The following ITGA9 variants were observed in gnomAD, a reference collection of about 807,000 sequenced individuals.
ITGA9 encodes integrin subunit alpha 9.
Under a neutral mutation model 127.8 loss-of-function variants are expected in ITGA9, and 56 were observed. The observed-to-expected ratio is 0.44, with a 90% CI of 0.35 to 0.55. ITGA9 has a LOEUF of 0.55. ITGA9 is among the 20% of genes least tolerant of loss of function. ITGA9 has a pLI of 0.00. For missense variants in ITGA9, 1,196 were observed against 1,347.1 expected, an observed-to-expected ratio of 0.89 and a Z score of 1.76; for synonymous variants, 508 against 514.5, an observed-to-expected ratio of 0.99 and a Z score of 0.17.
At chr3:37,725,407 T>C (rs1214276611) in intron 18 of ITGA9, among the ~76,000 whole-genome samples, 1 of 152,184 alleles carries the variant, frequency 6.6e-6, no homozygotes, top group African/African-American at 2.4e-5. Flanking sequence ...CATATGCTGT[T>C]CAAATGACAG....
At chr3:37,708,422 G>C (rs1002141360) in intron 18 of ITGA9, among the ~76,000 whole-genome samples, 2 of 152,226 alleles carry the variant, frequency 1.3e-5, no homozygotes, top group Non-Finnish European at 2.9e-5. Flanking sequence ...TAGCTGCGAA[G>C]TCAAAACTGC....
chr3:37,503,376 A>G, intron 6 of ITGA9, 69 bp downstream of exon 6: 1 of 1,560,356 alleles, frequency 6.4e-7, no homozygotes, highest in South Asian at 1.1e-5. Flanking sequence ...TTCACAAATT[A>G]TTGCTTCATT....
chr3:37,516,180 C>A (rs1248325274), intron 9 of ITGA9, among the ~76,000 whole-genome samples: 1 of 152,182 alleles, frequency 6.6e-6, no homozygotes, highest in Non-Finnish European at 1.5e-5. Flanking sequence ...GGGCATGATG[C>A]ACCCACACCC....
At chr3:37,661,696 C>G (rs1700538812) in intron 17 of ITGA9, among the ~76,000 whole-genome samples, 1 of 152,228 alleles carries the variant, frequency 6.6e-6, no homozygotes, top group Non-Finnish European at 1.5e-5. Flanking sequence ...GCCCTCCTTT[C>G]TTGTTCAAGC....
chr3:37,610,362 A>C (rs946411482), intron 15 of ITGA9, among the ~76,000 whole-genome samples: 2 of 152,354 alleles, frequency 1.3e-5, no homozygotes, highest in East Asian at 1.9e-4. Context: ...GTGAGGTGGT[A>C]AAGGAAATAA....
intron 15 of ITGA9, among the ~76,000 whole-genome samples, chr3:37,581,843 A>G (rs1699712464): frequency 6.6e-6 from 1 of 152,226 alleles, no homozygotes; most frequent in Non-Finnish European, 1.5e-5. Flanking sequence ...CATGACTATT[A>G]CAGGTGGGGC....
intron 15 of ITGA9, among the ~76,000 whole-genome samples, chr3:37,566,864 A>C (rs1699552256): frequency 6.6e-6 from 1 of 152,232 alleles, no homozygotes. Flanking sequence ...CTTATTCCTT[A>C]AAAATCCTGT....
At chr3:37,594,433 AG>A (rs1699849518) in intron 15 of ITGA9, among the ~76,000 whole-genome samples, 2 of 152,164 alleles carry the variant, frequency 1.3e-5, no homozygotes, top group African/African-American at 2.4e-5. Flanking sequence ...CTCAACAGTA[AG>A]GACTAATATT....
At chr3:37,577,582 T>A (rs1699666137) in intron 15 of ITGA9, among the ~76,000 whole-genome samples, 1 of 152,218 alleles carries the variant, frequency 6.6e-6, no homozygotes, top group Non-Finnish European at 1.5e-5. Context: ...AAAGATTAAG[T>A]TCTTTCTGGT....
At chr3:37,635,310 G>A (rs1700266947) in intron 16 of ITGA9, among the ~76,000 whole-genome samples, 2 of 152,102 alleles carry the variant, frequency 1.3e-5, no homozygotes, top group Non-Finnish European at 2.9e-5. Context: ...CAAAATCAGA[G>A]CTATGGTGAT....
intron 16 of ITGA9, among the ~76,000 whole-genome samples, chr3:37,638,787 A>C (rs187565725): frequency 2.7e-4 from 41 of 152,296 alleles, no homozygotes; most frequent in Non-Finnish European, 5.3e-4. Context: ...CTGATGGCCT[A>C]ATTAAAGTGG....
chr3:37,695,472 A>G (rs1317170252), intron 18 of ITGA9, among the ~76,000 whole-genome samples: 1 of 152,232 alleles, frequency 6.6e-6, no homozygotes, highest in Non-Finnish European at 1.5e-5. Flanking sequence ...TCAGTTGCAC[A>G]TGGGATGTTT....
chr3:37,520,357 C>T (rs1699031704), intron 11 of ITGA9, among the ~76,000 whole-genome samples: 1 of 152,098 alleles, frequency 6.6e-6, no homozygotes, highest in South Asian at 2.1e-4. Flanking sequence ...ACCTTTAATC[C>T]TCGCAGCAGC....
chr3:37,737,804 G>A (rs1276484363), intron 20 of ITGA9, among the ~76,000 whole-genome samples: 1 of 152,186 alleles, frequency 6.6e-6, no homozygotes, highest in Non-Finnish European at 1.5e-5. Context: ...TACAAGAATA[G>A]TGCAAGGAAC....
chr3:37,748,764 A>AG (rs1696541237), intron 22 of ITGA9: 2 of 645,952 alleles, frequency 3.1e-6, no homozygotes, highest in East Asian at 5.6e-5. Context: ...AAAAAAAAAA[A>AG]AAAGAAGGAA....
intron 16 of ITGA9, among the ~76,000 whole-genome samples, chr3:37,641,433 C>T (rs1700332615): frequency 6.6e-6 from 1 of 152,146 alleles, no homozygotes; most frequent in Admixed American, 6.5e-5. Flanking sequence ...GTGTCTGGCC[C>T]TCACGTGTCA....
chr3:37,577,855 G>T (rs7372319), intron 15 of ITGA9, among the ~76,000 whole-genome samples: 97,674 of 152,174 alleles, frequency 0.64, 31,697 homozygotes, highest in East Asian at 0.74. Context: ...ACTTGGAGTA[G>T]AAATAGAGCC....
chr3:37,629,542 A>G lies in ITGA9; in HGVS notation c.1839+206A>G, dbSNP rs1380954789. The G allele has an allele frequency of 3.0e-6, 2 of 656,936 alleles. No individual in the cohort carries two copies. The highest frequency in any genetic ancestry group is 1.8e-5 in the African/African-American group (1 of 55,020). 40.7% of individuals were successfully genotyped at this position (656,936 alleles called of 1,614,324 possible). A position where few individuals can be genotyped will look rare whatever the true frequency, so the allele number is the denominator to read the frequency against. The stretch of plus-strand genomic sequence containing the variant: ...TTACTTGTGACTACTGTGGGACTTA[A>G]ACACTTTCAGACAATTCTCAGGCTG... On this transcript the variant is annotated intron_variant, in intron 16 of 27. Coordinates refer to ENST00000264741, the MANE Select transcript of ITGA9 (RefSeq NM_002207.3). This position sits in a 1 kb window ranked among gnomAD's most constrained non-coding sequence, Gnocchi z 4.5.
intron 8 of ITGA9, among the ~76,000 whole-genome samples, chr3:37,511,993 C>CT (rs1559524315): frequency 3.4e-5 from 1 of 29,152 alleles, no homozygotes; most frequent in East Asian, 2.3e-3. Context: ...CTTTTCTTTT[C>CT]TTTTCTTTTC....
Sources: allele counts gnomAD v4.1 joint callset (sites outside exome capture counted in the v4.1 genomes callset), GRCh38; gene constraint gnomAD v4.1.1; non-coding constraint Gnocchi (gnomAD v3.1); transcripts MANE v1.5; gene names NCBI Gene and HGNC (gene_info 2026-07-23, HGNC 2026-07-21).